NMT2: variants seen among roughly 807,000 people sequenced by gnomAD.
The protein encoded by NMT2 is N-myristoyltransferase 2.
A neutral mutation model predicts 65.4 loss-of-function variants in NMT2; 35 were observed. The ratio of observed to expected loss-of-function variants is 0.54; its 90% CI spans 0.41 to 0.71. The LOEUF is 0.71. Among genes scored for constraint, NMT2 ranks in the 30% least tolerant of loss-of-function variants. The pLI, the probability that NMT2 is intolerant of heterozygous loss-of-function variation, is 0.00. For synonymous variants in NMT2, 226 were observed against 231.8 expected, an observed-to-expected ratio of 0.98 and a Z score of 0.23; for missense variants, 489 against 611.3, an observed-to-expected ratio of 0.80 and a Z score of 2.11.
intron 10 of NMT2, among the ~76,000 whole-genome samples, chr10:15,110,770 T>C (rs576850378): frequency 8.8e-4 from 134 of 152,260 alleles, no homozygotes; most frequent in Non-Finnish European, 1.7e-3. Flanking sequence ...TCAGAAAATA[T>C]TTTATTTATG....
At chr10:15,156,832 G>T (rs977653482) in intron 1 of NMT2, among the ~76,000 whole-genome samples, 2 of 151,906 alleles carry the variant, frequency 1.3e-5, no homozygotes, top group African/African-American at 4.8e-5. Context: ...GGAGGCGGAG[G>T]TTGCAGTGAG....
At chr10:15,134,700 G>A (rs1198336093) in intron 3 of NMT2, among the ~76,000 whole-genome samples, 5 of 152,096 alleles carry the variant, frequency 3.3e-5, no homozygotes, top group African/African-American at 9.7e-5. Context: ...TACTCTAATG[G>A]GCTAGGTGCG....
rs946511496 is a variant in NMT2 at position 15,106,581 on chromosome 10, G to A, written c.*2614C>T. ...ATATTATGTACTACTGTGGGGCCCA[G>A]TCGCCCTCTGGTGGTAGTCTCAGGG... On this transcript the variant is annotated 3_prime_UTR_variant, in exon 12 of 12. Coordinates refer to ENST00000378165, the MANE Select transcript of NMT2 (RefSeq NM_004808.3). The A allele has an allele frequency of 1.1e-6, 1 of 933,606 alleles. No homozygotes were observed. The highest frequency in any genetic ancestry group is 1.3e-6 in the Non-Finnish European group (1 of 782,580). 57.8% of individuals were successfully genotyped at this position (933,606 alleles called of 1,614,324 possible).
rs1845396927 is a variant in NMT2 at position 15,108,571 on chromosome 10, A to C, written c.*624T>G. ...CTGACCTGGTAAAGATCAAAGTACA[A>C]ACTTGCATGTTTATTGATTCGGCAA... is the stretch of plus-strand genomic sequence containing the variant. On this transcript the variant is annotated 3_prime_UTR_variant, in exon 12 of 12. Coordinates refer to ENST00000378165, the MANE Select transcript of NMT2 (RefSeq NM_004808.3). 1 of 985,950 alleles carries C rather than the reference A, an allele frequency of 1.0e-6. No individual in the cohort carries two copies. The highest frequency in any genetic ancestry group is 1.2e-6 in the Non-Finnish European group (1 of 830,468). 61.1% of individuals were successfully genotyped at this position (985,950 alleles called of 1,614,324 possible). A position where few individuals can be genotyped will look rare whatever the true frequency, so the allele number is the denominator to read the frequency against.
At chr10:15,162,274 T>C (rs1412884972) in intron 1 of NMT2, among the ~76,000 whole-genome samples, 2 of 130,908 alleles carry the variant, frequency 1.5e-5, no homozygotes, top group South Asian at 4.9e-4. Context: ...AAAAAAAAAG[T>C]GTACAGATAA....
Position 15,108,914 on chromosome 10 carries a change from C to A in NMT2, c.*281G>T. The A allele has an allele frequency of 2.5e-6, 3 of 1,182,546 alleles. No individual in the cohort carries two copies. The highest frequency in any genetic ancestry group is 1.0e-6 in the Non-Finnish European group (1 of 955,884). The allele number at this position is 1,182,546 out of a possible 1,614,324, so 73.3% of individuals were successfully genotyped here. A position where few individuals can be genotyped will look rare whatever the true frequency, so the allele number is the denominator to read the frequency against. ...TCCCTTTTCTAAGGGTGAAAAAATA[C>A]CTCTTCAAGAGACAGGCAAAAATTT... On this transcript the variant is annotated 3_prime_UTR_variant, in exon 12 of 12. Coordinates refer to ENST00000378165, the MANE Select transcript of NMT2 (RefSeq NM_004808.3).
chr10:15,160,673 C>G (rs1056421546), intron 1 of NMT2, among the ~76,000 whole-genome samples: 1 of 151,998 alleles, frequency 6.6e-6, no homozygotes, highest in Non-Finnish European at 1.5e-5. Context: ...ACTTGGGAGG[C>G]TGAGGCAGGA....
Position 15,130,244 on chromosome 10 carries a change from G to A in NMT2, c.788C>T (p.Pro263Leu), listed in dbSNP as rs1177519757. The A allele has an allele frequency of 8.7e-6, 14 of 1,608,286 alleles. No individual in the cohort carries two copies. Among genetic ancestry groups the A allele is most frequent in the Non-Finnish European group, 1.2e-5 (14 of 1,177,012 alleles). ...TCTAGTGATCTCTCGGATTAGCACT[G>A]GGGCTACCCGTTTCGATCTCAACTT... ...HKKLRSKRVA[P>L]VLIREITRRV... Residue 263 changes from proline (P) to leucine (L), a missense_variant, in exon 7 of 12, where the codon CCA (proline) becomes CTA (leucine). By Grantham distance (98) the Pro-to-Leu change is moderately conservative. Coordinates refer to ENST00000378165, the MANE Select transcript of NMT2 (RefSeq NM_004808.3).
At chr10:15,119,569 C>T (rs1050782980) in intron 8 of NMT2, 56 bp from the exon 9 acceptor site, 29 of 1,489,314 alleles carry the variant, frequency 1.9e-5, no homozygotes, top group Middle Eastern at 2.4e-4. Flanking sequence ...AGGAGTGAAA[C>T]GACTTTGCAC....
rs1845360564 is a variant in NMT2, at chr10:15,107,899, A to G, written c.*1296T>C. On this transcript the variant is annotated 3_prime_UTR_variant, in exon 12 of 12. Coordinates refer to ENST00000378165, the MANE Select transcript of NMT2 (RefSeq NM_004808.3). ...CAAATTCTAGATTAAAAACACCATC[A>G]GTAACAAAATTATGAATACTTATTT... The G allele has an allele frequency of 1.0e-6, 1 of 985,442 alleles. No homozygotes were observed. The highest frequency in any genetic ancestry group is 1.2e-6 in the Non-Finnish European group (1 of 829,652). 61.0% of individuals were successfully genotyped at this position (985,442 alleles called of 1,614,324 possible).
intron 1 of NMT2, among the ~76,000 whole-genome samples, chr10:15,165,246 G>A (rs1286967440): frequency 2.0e-5 from 3 of 151,886 alleles, no homozygotes; most frequent in African/African-American, 7.3e-5. Flanking sequence ...CAGTAATCTG[G>A]ACTATTTCTA....
chr10:15,141,189 A>G (rs1846742161), intron 2 of NMT2: 2 of 817,158 alleles, frequency 2.4e-6, no homozygotes, highest in African/African-American at 1.7e-5. Context: ...CACTGAGAAA[A>G]GGGAAAAACA....
chr10:15,116,023 T>G (rs1259525410), intron 9 of NMT2, among the ~76,000 whole-genome samples: 1 of 152,186 alleles, frequency 6.6e-6, no homozygotes, highest in Non-Finnish European at 1.5e-5. Flanking sequence ...GTGATAGAAC[T>G]GCTAGACAGA....
chr10:15,153,058 G>A (rs1318262049), intron 1 of NMT2, among the ~76,000 whole-genome samples: 1 of 152,058 alleles, frequency 6.6e-6, no homozygotes, highest in Non-Finnish European at 1.5e-5. Context: ...TTTAATAGAA[G>A]AGAAGGGAAA....
At chr10:15,131,258 T>A (rs1261077777) in intron 6 of NMT2, among the ~76,000 whole-genome samples, 1 of 152,098 alleles carries the variant, frequency 6.6e-6, no homozygotes, top group East Asian at 1.9e-4. Flanking sequence ...CTTTGGTCCA[T>A]TATACGTTTT....
chr10:15,121,055 C>T lies in NMT2; in HGVS notation c.1000-1542G>A, dbSNP rs112077047. Among the ~76,000 whole-genome samples, 6 of 152,310 alleles carry T rather than the reference C, an allele frequency of 3.9e-5. No individual in the cohort carries two copies. The South Asian group carries it at 1.2e-3, about 32-fold the overall frequency. ...CATCACTTTGCTCTCTAGAACTGTT[C>T]AGGGGCCAGGGGACTTGAGACTAAA... On this transcript the variant is annotated intron_variant, in intron 8 of 11. Coordinates refer to ENST00000378165, the MANE Select transcript of NMT2 (RefSeq NM_004808.3).
chr10:15,167,219 T>TG (rs1412335020), intron 1 of NMT2, among the ~76,000 whole-genome samples: 1 of 152,206 alleles, frequency 6.6e-6, no homozygotes, highest in Non-Finnish European at 1.5e-5. Context: ...ATTCGATACT[T>TG]GCAGCCGCCA....
At position 15,112,888 on chromosome 10, in the gene NMT2, TG is replaced by T. The variant is rs1451644306; in HGVS notation, c.1245del (p.His415GlnfsTer23). 1.2e-6 allele frequency: 2 copies of T among 1,614,010 alleles called. No individual in the cohort carries two copies. The highest frequency in any genetic ancestry group is 2.7e-5 in the African/African-American group (2 of 74,904). On this transcript the variant is annotated frameshift_variant, in exon 10 of 12. Coordinates refer to ENST00000378165, the MANE Select transcript of NMT2 (RefSeq NM_004808.3). LOFTEE classifies it high-confidence loss of function. Reference protein sequence around the residue: ...LPSTVMHHPAHKSLKAAYSFY... With the variant: ...LPSTVMHHPAXKSLKAAYSFY... Reference sequence around the variant, plus strand: ...AATGAGTAGGCGGCTTTGAGGCTCTTGTGAGCAGGGTGGTGCATCACCGTGG... The same window carrying T: ...AATGAGTAGGCGGCTTTGAGGCTCTTTGAGCAGGGTGGTGCATCACCGTGG...
intron 8 of NMT2, among the ~76,000 whole-genome samples, chr10:15,122,471 G>C (rs373286044): frequency 1.3e-5 from 2 of 151,842 alleles, no homozygotes; most frequent in East Asian, 3.9e-4. Flanking sequence ...AGGCTGGAGT[G>C]CAGTGGTGTG....
Sources: allele counts gnomAD v4.1 joint callset (sites outside exome capture counted in the v4.1 genomes callset), GRCh38; gene constraint gnomAD v4.1.1; transcripts MANE v1.5; gene names NCBI Gene and HGNC (gene_info 2026-07-23, HGNC 2026-07-21).